NPHS1: variants seen among roughly 807,000 people sequenced by gnomAD.
NPHS1 encodes nephrin.
Under a neutral mutation model 139.7 loss-of-function variants are expected in NPHS1, and 107 were observed. The observed-to-expected ratio is 0.77, with a 90% CI of 0.66 to 0.90. The LOEUF (loss-of-function observed/expected upper bound fraction) is 0.90. Among genes scored for constraint, NPHS1 ranks in the 40% least tolerant of loss-of-function variants. The probability of loss-of-function intolerance (pLI) is 0.00; values close to 1 mark genes in which losing one functional copy is unlikely to be tolerated. For missense variants in NPHS1, 1,580 were observed against 1,654.2 expected, an observed-to-expected ratio of 0.96 and a Z score of 0.78; for synonymous variants, 707 against 706.6, an observed-to-expected ratio of 1.00 and a Z score of -0.01.
At position 35,851,813 on chromosome 19, in the gene NPHS1, C is replaced by A; in HGVS notation, c.25G>T (p.Ala9Ser). The A allele has an allele frequency of 1.9e-6, 3 of 1,552,534 alleles. No homozygotes were observed. Among genetic ancestry groups the A allele is most frequent in the Non-Finnish European group, 8.7e-7 (1 of 1,147,592 alleles). Residue 9 changes from alanine to serine, a missense_variant, in exon 1 of 29, where the codon GCT becomes TCT. Physicochemically the swap from Ala to Ser is moderately conservative, Grantham distance 99. Transcript: ENST00000378910. MALGTTLR[A>S]SLLLLGLLTE... Reference sequence around the variant, plus strand: ...AGCAGCCCCAGGAGCAGGAGAGAAGCCCTGAGCGTCGTCCCCAGGGCCATC... The same window carrying A: ...AGCAGCCCCAGGAGCAGGAGAGAAGACCTGAGCGTCGTCCCCAGGGCCATC...
At position 35,826,654 on chromosome 19, in the gene NPHS1, C is replaced by G. The variant is rs77309273; in HGVS notation, c.3595-9G>C. Reference sequence around the variant, plus strand: ...TGGAGGTCCCAGGGTCCCTGACAGGCAAAAAGTGGAGTTAGAACCATGGAG... The same window carrying G: ...TGGAGGTCCCAGGGTCCCTGACAGGGAAAAAGTGGAGTTAGAACCATGGAG... On this transcript the variant is annotated splice_polypyrimidine_tract_variant and intron_variant, in intron 28 of 28. Transcript: ENST00000378910. The G allele has an allele frequency of 6.2e-7, 1 of 1,613,474 alleles. No homozygotes were observed. The highest frequency in any genetic ancestry group is 8.5e-7 in the Non-Finnish European group (1 of 1,179,682).
At chr19:35,851,139 A>G in intron 3 of NPHS1, 50 bp from the exon 4 acceptor site, 3 of 1,613,870 alleles carry the variant, frequency 1.9e-6, no homozygotes, top group Non-Finnish European at 2.5e-6. Context: ...GAAGGACTTG[A>G]AGATTGGAGT....
Position 35,842,411 on chromosome 19 carries a change from G to A in NPHS1, c.2474C>T (p.Pro825Leu). The change falls in exon 18 of 29, where the codon CCA becomes CTA. Residue 825 changes from proline (P) to leucine (L), a missense_variant. By Grantham distance (98) the Pro-to-Leu change is moderately conservative. Transcript: ENST00000378910. The part of the protein sequence containing the change: ...QCIVDNGVAP[P>L]ARRLLRLVVR... ...AACAAGACGGAGCAGCCGTCGTGCT[G>A]GAGGCGCCACCCCATTGTCCACAAT... The A allele has an allele frequency of 6.2e-7, 1 of 1,614,120 alleles. No homozygotes were observed. Among genetic ancestry groups the A allele is most frequent in the Non-Finnish European group, 8.5e-7 (1 of 1,180,028 alleles).
chr19:35,840,922 G>A (rs527679178), intron 20 of NPHS1, among the ~76,000 whole-genome samples: 4 of 146,682 alleles, frequency 2.7e-5, no homozygotes, highest in Admixed American at 6.9e-5. Flanking sequence ...TGATCTGCCC[G>A]CCTCAGCCTC....
intron 17 of NPHS1, among the ~76,000 whole-genome samples, chr19:35,842,828 A>G (rs1326858943): frequency 6.6e-6 from 1 of 151,746 alleles, no homozygotes; most frequent in Non-Finnish European, 1.5e-5. Context: ...TTATCTCTCC[A>G]TTCATCCATT....
chr19:35,845,313 G>T lies in NPHS1; in HGVS notation c.1930+55C>A. ...GAAGGAAAAAAAGGTAAGACCCAAG[G>T]AGTAGTTTAGGGTCAAGAAGGCATC... On this transcript the variant is annotated intron_variant, in intron 14 of 28. Transcript: ENST00000378910. The surrounding 1 kb of genome is among the most constrained non-coding windows in gnomAD (Gnocchi z 5.5). 1.3e-6 allele frequency: 2 copies of T among 1,552,190 alleles called. No individual in the cohort carries two copies. Among genetic ancestry groups the T allele is most frequent in the South Asian group, 2.2e-5 (2 of 89,888 alleles).
Position 35,850,861 on chromosome 19 carries a change from C to A in NPHS1, c.526+100G>T. ...TGGGTCCCCATCCCAGGGATGACAT[C>A]TTTTCTGGGGCCCTTAGAAGGGTAC... is the stretch of plus-strand genomic sequence containing the variant. On this transcript the variant is annotated intron_variant, in intron 4 of 28. Coordinates refer to ENST00000378910, the MANE Select transcript of NPHS1 (RefSeq NM_004646.4). 4 of 1,477,468 alleles carry A rather than the reference C, an allele frequency of 2.7e-6. No homozygotes were observed. In the South Asian group the frequency reaches 4.7e-5, roughly 18 times the overall value. 91.5% of individuals were successfully genotyped at this position (1,477,468 alleles called of 1,614,324 possible). A position where few individuals can be genotyped will look rare whatever the true frequency, so the allele number is the denominator to read the frequency against.
In NPHS1 at chr19:35,848,804, C is replaced by G. The variant is rs954370683; in HGVS notation, c.1013-10G>C. 4.3e-6 allele frequency: 7 copies of G among 1,614,072 alleles called. No individual in the cohort carries two copies. The Admixed American group carries it at 1.0e-4, about 23-fold the overall frequency. ...ATGGCACTAGGGGGAACTGCAGGGACAGAGAAGGAAGACACTAAGCTGGGC... is the reference window on the plus strand; with the variant it reads ...ATGGCACTAGGGGGAACTGCAGGGAGAGAGAAGGAAGACACTAAGCTGGGC... On this transcript the variant is annotated splice_polypyrimidine_tract_variant and intron_variant, in intron 8 of 28. Transcript: ENST00000378910.
At chr19:35,827,774 G>A (rs991335930) in intron 28 of NPHS1, among the ~76,000 whole-genome samples, 12 of 151,988 alleles carry the variant, frequency 7.9e-5, no homozygotes, top group African/African-American at 2.9e-4. Context: ...AAAATTAGCC[G>A]GGCATGATGG....
At position 35,826,401 on chromosome 19, in the gene NPHS1, A is replaced by T; in HGVS notation, c.*113T>A. 7.9e-7 allele frequency: 1 copy of T among 1,273,720 alleles called. No homozygotes were observed. The highest frequency in any genetic ancestry group is 1.2e-5 in the South Asian group (1 of 82,352). 78.9% of individuals were successfully genotyped at this position (1,273,720 alleles called of 1,614,324 possible). ...CCCTCCATGTCCTCTCCTGACACCAAGTCCCTTTGGGTTTTATGGAGCTCA... is the reference window on the plus strand; with the variant it reads ...CCCTCCATGTCCTCTCCTGACACCATGTCCCTTTGGGTTTTATGGAGCTCA... On this transcript the variant is annotated 3_prime_UTR_variant, in exon 29 of 29. Coordinates refer to ENST00000378910, the MANE Select transcript of NPHS1 (RefSeq NM_004646.4).
In NPHS1 at chr19:35,831,778, A is replaced by G; in HGVS notation, c.3167-16T>C. On this transcript the variant is annotated splice_polypyrimidine_tract_variant and intron_variant, in intron 23 of 28. Transcript: ENST00000378910. ...CCCGAGGGTCCTAGGGGTGGAAGAT[A>G]CCCCTCAGTGAATCCCAGACAACAG... 1 of 1,555,904 alleles carries G rather than the reference A, an allele frequency of 6.4e-7. No individual in the cohort carries two copies. Among genetic ancestry groups the G allele is most frequent in the Non-Finnish European group, 8.7e-7 (1 of 1,151,328 alleles).
At chr19:35,831,875 A>C in intron 23 of NPHS1, 113 bp from the exon 24 acceptor site, 1 of 1,157,250 alleles carries the variant, frequency 8.6e-7, no homozygotes, top group Non-Finnish European at 1.2e-6. Context: ...GGTCAGAGAA[A>C]CAGATGGGCA....
Position 35,851,675 on chromosome 19 carries a change from G to A in NPHS1, c.59-3C>T. 1 of 1,611,620 alleles carries A rather than the reference G, an allele frequency of 6.2e-7. No individual in the cohort carries two copies. Among genetic ancestry groups the A allele is most frequent in the Non-Finnish European group, 8.5e-7 (1 of 1,178,864 alleles). On this transcript the variant is annotated splice_polypyrimidine_tract_variant and splice_region_variant and intron_variant, in intron 1 of 28. Coordinates refer to ENST00000378910, the MANE Select transcript of NPHS1 (RefSeq NM_004646.4). ...AGGAATCGCCAACTGCGCCAGGCCT[G>A]AGGACACAGCGCGGTGCAAGGAAAG... is the stretch of plus-strand genomic sequence containing the variant.
In NPHS1 at chr19:35,845,272, A is replaced by G; in HGVS notation, c.1930+96T>C. The G allele has an allele frequency of 7.4e-7, 1 of 1,360,280 alleles. No individual in the cohort carries two copies. Among genetic ancestry groups the G allele is most frequent in the Non-Finnish European group, 1.0e-6 (1 of 960,328 alleles). 84.3% of individuals were successfully genotyped at this position (1,360,280 alleles called of 1,614,324 possible). ...GCGACAAAAAATGAAAGAGAGAGAG[A>G]GAGAGAAGAGAAAAAGAAGGAAAAA... On this transcript the variant is annotated intron_variant, in intron 14 of 28. Coordinates refer to ENST00000378910, the MANE Select transcript of NPHS1 (RefSeq NM_004646.4). This position sits in a 1 kb window ranked among gnomAD's most constrained non-coding sequence, Gnocchi z 5.5.
In NPHS1 at chr19:35,830,885, G is replaced by A. The variant is rs867310471; in HGVS notation, c.3553C>T (p.Pro1185Ser). 6.2e-7 allele frequency: 1 copy of A among 1,613,926 alleles called. No homozygotes were observed. Among genetic ancestry groups the A allele is most frequent in the Non-Finnish European group, 8.5e-7 (1 of 1,179,796 alleles). The change falls in exon 28 of 29, where the codon CCG becomes TCG. Residue 1185 changes from proline (P) to serine (S), a missense_variant. Coordinates refer to ENST00000378910, the MANE Select transcript of NPHS1 (RefSeq NM_004646.4). ...TAGAGGGGTCCCCAGGCTCCAGACG[G>A]GGGGTACGTTCTTTCTACCTCATCA... ...LYDEVERTYP[P>S]SGAWGPLYDE...
chr19:35,842,266 C>T lies in NPHS1; in HGVS notation c.2521G>A (p.Glu841Lys), dbSNP rs769092288. Reference protein sequence around the residue: ...RLVVRFAPQVEHPTPLTKVAA... With the variant: ...RLVVRFAPQVKHPTPLTKVAA... ...ACCTTAGTTAGGGGAGTGGGGTGCT[C>T]CACCTGGGGGGCAACTGGGAGGGGA... Residue 841 changes from glutamate to lysine, a missense_variant, in exon 19 of 29, where the codon GAG becomes AAG. Physicochemically the swap from Glu to Lys is moderately conservative, Grantham distance 56. Transcript: ENST00000378910. 1.2e-6 allele frequency: 2 copies of T among 1,612,836 alleles called. No individual in the cohort carries two copies. Among genetic ancestry groups the T allele is most frequent in the African/African-American group, 2.7e-5 (2 of 75,016 alleles).
In NPHS1 at chr19:35,826,518, A is replaced by G. The variant is rs151121915; in HGVS notation, c.3722T>C (p.Val1241Ala). The change falls in exon 29 of 29, where the codon GTG (valine) becomes GCG (alanine). Residue 1241 changes from valine (V) to alanine (A), a missense_variant. Val to Ala is a moderately conservative substitution (Grantham distance 64). Transcript: ENST00000378910. ...SLPFELRGHL[V>A] ...ACAATGGGGTTGAGAGGGCTCTTAC[A>G]CCAGATGTCCCCTCAGCTCGAAGGG... 1.3e-4 allele frequency: 211 copies of G among 1,613,432 alleles called. No individual in the cohort carries two copies. The highest frequency in any genetic ancestry group is 1.7e-4 in the Non-Finnish European group (204 of 1,179,980).
chr19:35,847,669 TTG>T (rs1313049467), intron 11 of NPHS1, among the ~76,000 whole-genome samples: 1 of 149,230 alleles, frequency 6.7e-6, no homozygotes, highest in African/African-American at 2.5e-5. Context: ...TTTTACAGCA[TTG>T]TTTTTTTTTT....
intron 20 of NPHS1, among the ~76,000 whole-genome samples, chr19:35,840,048 A>C (rs566619739): frequency 1.3e-5 from 2 of 148,954 alleles, no homozygotes; most frequent in East Asian, 3.9e-4. Flanking sequence ...CTTATTGCCC[A>C]GGCTGGAGTG....
Sources: gnomAD v4.1 joint callset for allele counts (sites outside exome capture counted in the v4.1 genomes callset) on GRCh38, gnomAD v4.1.1 for gene constraint, Gnocchi (gnomAD v3.1) non-coding constraint, MANE v1.5 for transcripts, NCBI Gene and HGNC (gene_info 2026-07-23, HGNC 2026-07-21) for gene names.